GALNT13: variants seen among roughly 807,000 people sequenced by gnomAD.
The protein encoded by GALNT13 is UDP-GalNAc:polypeptide N-acetylgalactosaminyltransferase 13.
GALNT13 carries 28 observed loss-of-function variants against 64.2 expected under a neutral mutation model. That is an observed-to-expected ratio of 0.44 (90% CI 0.32 to 0.60). GALNT13 has a LOEUF of 0.60. Ranked by LOEUF, GALNT13 falls within the 20% of genes least tolerant of loss-of-function variation. The probability of loss-of-function intolerance (pLI) is 0.05; values close to 1 mark genes in which losing one functional copy is unlikely to be tolerated. For synonymous variants in GALNT13, 214 were observed against 224.6 expected, an observed-to-expected ratio of 0.95 and a Z score of 0.42; for missense variants, 577 against 669.8, an observed-to-expected ratio of 0.86 and a Z score of 1.53.
At chr2:154,365,984 C>T (rs945104751) in intron 9 of GALNT13, among the ~76,000 whole-genome samples, 2 of 152,136 alleles carry the variant, frequency 1.3e-5, no homozygotes, top group Non-Finnish European at 2.9e-5. Context: ...AGATTTTCAT[C>T]CTTTCCACTA....
the GALNT13 span, among the ~76,000 whole-genome samples, chr2:153,169,377 A>G: frequency 1.3e-5 from 2 of 152,168 alleles, no homozygotes; most frequent in East Asian, 1.9e-4. Context: ...GATGGCCATG[A>G]TTCTTGTTGA....
chr2:154,010,556 G>T (rs1696563552), intron 3 of GALNT13, among the ~76,000 whole-genome samples: 1 of 151,990 alleles, frequency 6.6e-6, no homozygotes, highest in South Asian at 2.1e-4. Flanking sequence ...TTCTCTTTTT[G>T]TTGTGTCTCT....
chr2:154,349,142 C>T (rs186579215), intron 9 of GALNT13, among the ~76,000 whole-genome samples: 33 of 152,226 alleles, frequency 2.2e-4, no homozygotes, highest in Admixed American at 5.9e-4. Context: ...CATGAGCAAT[C>T]GTCAGTAAAC....
intron 8 of GALNT13, among the ~76,000 whole-genome samples, chr2:154,259,937 G>T (rs867603727): frequency 6.6e-6 from 1 of 152,122 alleles, no homozygotes; most frequent in African/African-American, 2.4e-5. Context: ...GAGTGGTACA[G>T]TGGTGCAATT....
At chr2:153,758,160 T>G in the GALNT13 span, among the ~76,000 whole-genome samples, 2 of 152,172 alleles carry the variant, frequency 1.3e-5, no homozygotes, top group South Asian at 2.1e-4. Context: ...CTTTTGTATA[T>G]GGCATGAGAT....
At chr2:153,567,560 C>G in the GALNT13 span, among the ~76,000 whole-genome samples, 2 of 152,038 alleles carry the variant, frequency 1.3e-5, no homozygotes, top group African/African-American at 4.8e-5. Flanking sequence ...GCTAACAGCA[C>G]CAAGCAAATC....
At chr2:153,258,754 T>A in the GALNT13 span, among the ~76,000 whole-genome samples, 1 of 152,228 alleles carries the variant, frequency 6.6e-6, no homozygotes, top group Non-Finnish European at 1.5e-5. Context: ...AATTTCCTTG[T>A]GTTTGTATAG....
chr2:153,180,045 C>A, the GALNT13 span, among the ~76,000 whole-genome samples: 1 of 152,182 alleles, frequency 6.6e-6, no homozygotes, highest in Admixed American at 6.5e-5. Context: ...ATTGCTTTGG[C>A]AAAAACTTCT....
At chr2:154,088,919 AG>A (rs1372275375) in intron 3 of GALNT13, among the ~76,000 whole-genome samples, 1 of 152,170 alleles carries the variant, frequency 6.6e-6, no homozygotes. Flanking sequence ...AATTAATTTC[AG>A]GCTCCTTTGC....
the GALNT13 span, among the ~76,000 whole-genome samples, chr2:153,459,481 C>A: frequency 2.0e-5 from 3 of 151,996 alleles, no homozygotes; most frequent in Non-Finnish European, 2.9e-5. Flanking sequence ...AACCAACCAA[C>A]CAAACAAACA....
the GALNT13 span, among the ~76,000 whole-genome samples, chr2:153,235,853 CA>C: frequency 6.6e-6 from 1 of 152,148 alleles, no homozygotes; most frequent in African/African-American, 2.4e-5. Context: ...ACTTAAATCA[CA>C]AGCTGGAAAT....
chr2:154,433,459 C>T (rs1023858329), intron 11 of GALNT13, among the ~76,000 whole-genome samples: 13 of 151,982 alleles, frequency 8.6e-5, no homozygotes, highest in African/African-American at 2.7e-4. Flanking sequence ...AGTAAGACCT[C>T]TCTTACAGCT....
chr2:153,322,249 T>C, the GALNT13 span, among the ~76,000 whole-genome samples: 2 of 152,128 alleles, frequency 1.3e-5, no homozygotes, highest in Non-Finnish European at 2.9e-5. Flanking sequence ...CACTTAAAAG[T>C]GAGAACATGA....
chr2:153,921,508 T>C (rs1689753126), intron 2 of GALNT13, among the ~76,000 whole-genome samples: 1 of 152,060 alleles, frequency 6.6e-6, no homozygotes, highest in Admixed American at 6.6e-5. Context: ...AAATACCCAT[T>C]GGGTACTATG....
At chr2:153,623,389 G>A in the GALNT13 span, among the ~76,000 whole-genome samples, 2 of 152,040 alleles carry the variant, frequency 1.3e-5, no homozygotes, top group African/African-American at 4.8e-5. Context: ...AGTTTTGGTG[G>A]TGTTTCCTTT....
At chr2:154,329,740 G>A (rs1695066604) in intron 9 of GALNT13, among the ~76,000 whole-genome samples, 1 of 151,904 alleles carries the variant, frequency 6.6e-6, no homozygotes, top group African/African-American at 2.4e-5. Context: ...TAGGGGAGGG[G>A]TGTGAGTGAG....
intron 12 of GALNT13, among the ~76,000 whole-genome samples, chr2:154,447,928 C>T (rs1290110127): frequency 2.0e-5 from 3 of 152,014 alleles, no homozygotes; most frequent in Non-Finnish European, 2.9e-5. Context: ...TCTCACAAGT[C>T]TACTGTAGAG....
In GALNT13 at chr2:154,278,339, A is replaced by C. The variant is rs561588179; in HGVS notation, c.975+19201A>C. On this transcript the variant is annotated intron_variant, in intron 8 of 12. Coordinates refer to ENST00000392825, the MANE Select transcript of GALNT13 (RefSeq NM_052917.4). ...ATCATTTCTCTGACCCTACAAGAGA[A>C]GACCTCAGGAACTGCAAGATTTCTT... Among the ~76,000 whole-genome samples, 7 of 152,310 alleles carry C rather than the reference A, an allele frequency of 4.6e-5. No homozygotes were observed. In the South Asian group the frequency reaches 1.4e-3, roughly 32 times the overall value.
chr2:154,230,784 T>C (rs908828417), intron 4 of GALNT13, among the ~76,000 whole-genome samples: 1 of 152,134 alleles, frequency 6.6e-6, no homozygotes, highest in Non-Finnish European at 1.5e-5. Flanking sequence ...CAGAGAGCCA[T>C]GCAAGATTTA....
Sources: allele counts gnomAD v4.1 joint callset (sites outside exome capture counted in the v4.1 genomes callset), GRCh38; gene constraint gnomAD v4.1.1; transcripts MANE v1.5; gene names NCBI Gene and HGNC (gene_info 2026-07-23, HGNC 2026-07-21).